ZBED6: variants seen among roughly 807,000 people sequenced by gnomAD.
ZBED6 encodes the protein zinc finger BED-type containing 6.
In ZBED6, 40 loss-of-function variants were observed where a neutral mutation model predicts 58.4. The ratio of observed to expected loss-of-function variants is 0.68; its 90% confidence interval spans 0.53 to 0.89. ZBED6 has a LOEUF of 0.89. Among genes scored for constraint, ZBED6 ranks in the 40% least tolerant of loss-of-function variants. The pLI is 0.00. For synonymous variants in ZBED6, 439 were observed against 350.6 expected (o/e 1.25, Z -2.82); for missense variants, 1,057 against 1,003.9 (o/e 1.05, Z -0.71).
intron 1 of ZBED6, among the ~76,000 whole-genome samples, chr1:203,813,101 TC>T (rs1249856440): frequency 2.6e-5 from 4 of 152,356 alleles, no homozygotes; most frequent in African/African-American, 4.8e-5. Flanking sequence ...AAATATTTTC[TC>T]CCAGCCTGTG....
intron 8 of ZBED6, among the ~76,000 whole-genome samples, chr1:203,833,571 C>T (rs1683167373): frequency 6.9e-6 from 1 of 145,492 alleles, no homozygotes; most frequent in African/African-American, 2.5e-5. Context: ...TATGCTATTG[C>T]TTCTGTTTAG....
exon 1 of ZBED6, chr1:203,802,232 A>G (rs550987207): frequency 2.6e-5 from 4 of 152,734 alleles, no homozygotes; most frequent in South Asian, 2.1e-4. Flanking sequence ...CATATTATAC[A>G]TAATGATATA....
intron 11 of ZBED6, among the ~76,000 whole-genome samples, chr1:203,840,879 C>A (rs1685910238): frequency 6.6e-6 from 1 of 152,132 alleles, no homozygotes; most frequent in Non-Finnish European, 1.5e-5. Flanking sequence ...GGTGATCCAC[C>A]TGCCTCAGCC....
chr1:203,848,670 G>A (rs1166340977), intron 13 of ZBED6, among the ~76,000 whole-genome samples: 1 of 152,118 alleles, frequency 6.6e-6, no homozygotes, highest in East Asian at 1.9e-4. Flanking sequence ...GGCGGATCAC[G>A]AGGTCAGGAG....
chr1:203,826,802 CT>C (rs1430652921), intron 3 of ZBED6, among the ~76,000 whole-genome samples: 1 of 152,134 alleles, frequency 6.6e-6, no homozygotes, highest in Non-Finnish European at 1.5e-5. Context: ...CTTCTCATAT[CT>C]TTTTTCCCCC....
chr1:203,829,777 T>C lies in ZBED6; in HGVS notation c.*3202-3T>C. 6.2e-7 allele frequency: 1 copy of C among 1,613,806 alleles called. No individual in the cohort carries two copies. The highest frequency in any genetic ancestry group is 1.1e-5 in the South Asian group (1 of 91,076). The stretch of plus-strand genomic sequence containing the variant: ...TGAATTTGCCTTAAATGTTGATATA[T>C]AGATCAGTTTTCTGAGGAAGGTGAT... On this transcript the variant is annotated splice_region_variant and splice_polypyrimidine_tract_variant and intron_variant, in intron 5 of 16. Coordinates refer to ENST00000550078, the Ensembl canonical transcript of ZBED6.
intron 12 of ZBED6, among the ~76,000 whole-genome samples, 191 bp from the exon 13 acceptor site, chr1:203,848,140 G>A (rs532465196): frequency 9.2e-5 from 14 of 152,286 alleles, no homozygotes; most frequent in Admixed American, 3.3e-4. Flanking sequence ...TTACAGGTGT[G>A]AGCCACCATG....
At chr1:203,819,348 A>G (rs1461949754) in intron 3 of ZBED6, among the ~76,000 whole-genome samples, 1 of 149,372 alleles carries the variant, frequency 6.7e-6, no homozygotes, top group East Asian at 2.0e-4. Context: ...CAGCCTCCTG[A>G]GTAGCTGGGA....
intron 3 of ZBED6, among the ~76,000 whole-genome samples, chr1:203,825,319 A>G (rs1454936540): frequency 6.6e-6 from 1 of 152,168 alleles, no homozygotes; most frequent in African/African-American, 2.4e-5. Flanking sequence ...TTTATAGAAC[A>G]TAACTACTGC....
At chr1:203,817,244 T>C (rs1396885637) in intron 2 of ZBED6, 120 bp downstream of exon 2, 4 of 702,324 alleles carry the variant, frequency 5.7e-6, no homozygotes, top group East Asian at 3.2e-5. Flanking sequence ...AACTTTATTA[T>C]TGGCTGTCAG....
chr1:203,833,522 G>C (rs917255874), intron 8 of ZBED6, among the ~76,000 whole-genome samples: 1 of 150,944 alleles, frequency 6.6e-6, no homozygotes, highest in East Asian at 1.9e-4. Flanking sequence ...CAGAGCAAGA[G>C]TCTATTATTA....
chr1:203,852,443 T>G (rs780749126), exon 17 of ZBED6: 2 of 1,601,406 alleles, frequency 1.2e-6, no homozygotes, highest in Non-Finnish European at 1.7e-6. Context: ...GCCAAAAAAC[T>G]GGACTTAGTT....
At chr1:203,838,309 T>A (rs916412232) in intron 10 of ZBED6, among the ~76,000 whole-genome samples, 16 of 152,166 alleles carry the variant, frequency 1.1e-4, no homozygotes, top group Non-Finnish European at 1.6e-4. Context: ...TACTTATAAA[T>A]GCGATAAATT....
chr1:203,835,104 A>G (rs552513583), intron 9 of ZBED6, among the ~76,000 whole-genome samples: 6 of 152,336 alleles, frequency 3.9e-5, no homozygotes, highest in East Asian at 1.9e-4. Context: ...TCACATTTCA[A>G]AGTTTCAGAC....
At chr1:203,797,532 T>G in exon 1 of ZBED6, 1 of 1,513,338 alleles carries the variant, frequency 6.6e-7, no homozygotes, top group Non-Finnish European at 8.8e-7. Context: ...AATGAGTGTA[T>G]GTACTCTAAG....
At position 203,797,229 on chromosome 1, in the gene ZBED6, AG is replaced by A. The variant is rs1457150516; in HGVS notation, c.-289del. 5.1e-6 allele frequency: 1 copy of A among 196,238 alleles called. No homozygotes were observed. Among genetic ancestry groups the A allele is most frequent in the Admixed American group, 5.7e-5 (1 of 17,484 alleles). 12.2% of individuals were successfully genotyped at this position (196,238 alleles called of 1,614,324 possible). On this transcript the variant is annotated 5_prime_UTR_variant, in exon 1 of 17. It introduces an in-frame stop codon into an upstream open reading frame of the 5' UTR. Transcript: ENST00000550078. ...CTAACCAACTCTGTGACTCTGGGAA[AG>A]GGGGACTCAGTTCTTACTTCTGTAA... is the stretch of plus-strand genomic sequence containing the variant.
chr1:203,828,862 A>G (rs1209387512), intron 4 of ZBED6, among the ~76,000 whole-genome samples: 1 of 152,234 alleles, frequency 6.6e-6, no homozygotes, highest in Admixed American at 6.5e-5. Context: ...CACAAAGCCT[A>G]AATTATTAAC....
chr1:203,822,747 C>T lies in ZBED6; in HGVS notation c.*2873+4058C>T, dbSNP rs529539650. On this transcript the variant is annotated intron_variant, in intron 3 of 16. Coordinates refer to ENST00000550078, the Ensembl canonical transcript of ZBED6. The stretch of plus-strand genomic sequence containing the variant: ...ATGTCCTCTTAACCCTCCAACCCTC[C>T]GTGGGTTCCAACACCCTATGCCAGT... Among the ~76,000 whole-genome samples the T allele has an allele frequency of 2.4e-4, 36 of 152,286 alleles. 1 individual carries two copies. The South Asian group carries it at 3.3e-3, about 14-fold the overall frequency.
chr1:203,798,928 TCTTAA>T lies in ZBED6; in HGVS notation c.1410_1414del (p.Leu470PhefsTer14), dbSNP rs1669609039. ...TATGATTGTGTCAGAGAAAAAATTT[TCTTAA>T]CTTTAGAGAATGTTCAAAGCCAAAA... On this transcript the variant is annotated frameshift_variant, in exon 1 of 17. Coordinates refer to ENST00000550078, the Ensembl canonical transcript of ZBED6. LOFTEE classifies it high-confidence loss of function. The T allele has an allele frequency of 7.8e-6, 12 of 1,536,008 alleles. No individual in the cohort carries two copies. Among genetic ancestry groups the T allele is most frequent in the African/African-American group, 1.4e-5 (1 of 73,034 alleles).
Sources: allele counts gnomAD v4.1 joint callset (sites outside exome capture counted in the v4.1 genomes callset), GRCh38; gene constraint gnomAD v4.1.1; transcripts MANE v1.5; gene names NCBI Gene and HGNC (gene_info 2026-07-23, HGNC 2026-07-21).